The following MTMR2 variants were observed in gnomAD, a reference collection of about 807,000 sequenced individuals.
MTMR2 encodes the protein phosphatidylinositol-3,5-bisphosphate 3-phosphatase MTMR2.
In MTMR2, 55 loss-of-function variants were observed where a neutral mutation model predicts 86.9. The ratio of observed to expected loss-of-function variants is 0.63; its 90% confidence interval spans 0.51 to 0.79. The LOEUF (loss-of-function observed/expected upper bound fraction) is 0.79. MTMR2 is among the 30% of genes least tolerant of loss of function. MTMR2 has a pLI of 0.00. For synonymous variants in MTMR2, 241 were observed against 266.8 expected, an observed-to-expected ratio of 0.90 and a Z score of 0.94; for missense variants, 659 against 772.3, an observed-to-expected ratio of 0.85 and a Z score of 1.74.
intron 1 of MTMR2, among the ~76,000 whole-genome samples, chr11:95,906,659 T>G (rs576032376): frequency 6.6e-6 from 1 of 152,070 alleles, no homozygotes; most frequent in Admixed American, 6.6e-5. Flanking sequence ...CTCAACAAAT[T>G]TAAAGAAACC....
chr11:95,881,532 T>C (rs1038382286), intron 2 of MTMR2, among the ~76,000 whole-genome samples: 1 of 152,200 alleles, frequency 6.6e-6, no homozygotes, highest in Non-Finnish European at 1.5e-5. Context: ...GTTTTATAAC[T>C]TTCTTCATAA....
At chr11:95,849,927 G>C in intron 8 of MTMR2, 65 bp from the exon 9 acceptor site, 1 of 1,445,004 alleles carries the variant, frequency 6.9e-7, no homozygotes, top group South Asian at 1.2e-5. Flanking sequence ...CTCAAAAACA[G>C]TACTCAGTAA....
chr11:95,886,691 T>G (rs145346328), intron 2 of MTMR2, among the ~76,000 whole-genome samples: 1 of 152,308 alleles, frequency 6.6e-6, no homozygotes, highest in African/African-American at 2.4e-5. Flanking sequence ...CCTTCATTCC[T>G]GAGTTATCAG....
At chr11:95,876,452 C>G (rs1177285945) in intron 2 of MTMR2, among the ~76,000 whole-genome samples, 1 of 152,096 alleles carries the variant, frequency 6.6e-6, no homozygotes, top group Non-Finnish European at 1.5e-5. Context: ...CTTATTGGGT[C>G]AAAATAATGT....
chr11:95,870,311 A>C (rs2135497751), intron 2 of MTMR2, among the ~76,000 whole-genome samples: 1 of 152,226 alleles, frequency 6.6e-6, no homozygotes, highest in African/African-American at 2.4e-5. Context: ...AATACTGGGG[A>C]GAAGTTAAGG....
At chr11:95,842,888 C>T (rs2064031322) in intron 11 of MTMR2, among the ~76,000 whole-genome samples, 1 of 152,084 alleles carries the variant, frequency 6.6e-6, no homozygotes, top group African/African-American at 2.4e-5. Flanking sequence ...CTTAACAACG[C>T]AGTAAAAATT....
At position 95,835,016 on chromosome 11, in the gene MTMR2, A is replaced by G. The variant is rs1263318000; in HGVS notation, c.*274T>C. 3 of 419,808 alleles carry G rather than the reference A, an allele frequency of 7.1e-6. No individual in the cohort carries two copies. The highest frequency in any genetic ancestry group is 6.0e-5 in the African/African-American group (3 of 50,046). 26.0% of individuals were successfully genotyped at this position (419,808 alleles called of 1,614,324 possible). ...TAACAGCATTTGCCTTTTAATAGAA[A>G]CTTGTTCCCACTGTGAATCCAGGAT... On this transcript the variant is annotated 3_prime_UTR_variant, in exon 15 of 15. Coordinates refer to ENST00000346299, the MANE Select transcript of MTMR2 (RefSeq NM_016156.6).
intron 2 of MTMR2, among the ~76,000 whole-genome samples, chr11:95,875,583 T>G (rs1413728754): frequency 6.6e-6 from 1 of 152,230 alleles, no homozygotes; most frequent in Non-Finnish European, 1.5e-5. Context: ...GTCTGAAGCC[T>G]TCTTCTCTCA....
At chr11:95,841,521 T>C in intron 12 of MTMR2, 96 bp downstream of exon 12, 1 of 883,718 alleles carries the variant, frequency 1.1e-6, no homozygotes, top group East Asian at 2.4e-5. Context: ...AGAATTTCCA[T>C]TTAATGATCT....
chr11:95,917,562 T>C (rs1365114478), intron 1 of MTMR2, among the ~76,000 whole-genome samples: 1 of 152,140 alleles, frequency 6.6e-6, no homozygotes, highest in Admixed American at 6.6e-5. Flanking sequence ...CTCCCCAAAC[T>C]ACTCCCCAGA....
chr11:95,887,347 C>T (rs1313457158), intron 2 of MTMR2, among the ~76,000 whole-genome samples: 1 of 152,022 alleles, frequency 6.6e-6, no homozygotes. Flanking sequence ...AATGGATTTG[C>T]CAGCACCTTG....
chr11:95,911,331 G>C (rs1250269645), intron 1 of MTMR2, among the ~76,000 whole-genome samples: 1 of 152,158 alleles, frequency 6.6e-6, no homozygotes, highest in Admixed American at 6.5e-5. Context: ...AGCAGAGTCT[G>C]AACAACCAGT....
In MTMR2 at chr11:95,862,038, G is replaced by C; in HGVS notation, c.422C>G (p.Ala141Gly). Residue 141 changes from alanine to glycine, a missense_variant, in exon 5 of 15, where the codon GCT becomes GGT. Around this residue, in one of 3 missense-constraint regions of MTMR2, gnomAD observed 387 missense variants for 526.3 expected, o/e 0.74. Transcript: ENST00000346299. ...ATAAGAATTTTCACCTCGACTAGAA[G>C]CACCACCAATTTTTTCTACTCTATT... Reference protein sequence around the residue: ...VINRVEKIGGASSRGENSYGL... With the variant: ...VINRVEKIGGGSSRGENSYGL... 1 of 1,613,850 alleles carries C rather than the reference G, an allele frequency of 6.2e-7. No individual in the cohort carries two copies. The highest frequency in any genetic ancestry group is 1.1e-5 in the South Asian group (1 of 91,078).
At chr11:95,918,009 C>A (rs1866772965) in intron 1 of MTMR2, among the ~76,000 whole-genome samples, 1 of 152,130 alleles carries the variant, frequency 6.6e-6, no homozygotes, top group Admixed American at 6.5e-5. Flanking sequence ...AAGAAAAATG[C>A]CTTAGGAAAT....
At chr11:95,903,869 C>T (rs1039303970) in intron 1 of MTMR2, among the ~76,000 whole-genome samples, 7 of 152,142 alleles carry the variant, frequency 4.6e-5, no homozygotes, top group Admixed American at 3.9e-4. Flanking sequence ...AATCCTAGCA[C>T]ATTAAAAGGC....
At chr11:95,863,335 C>G (rs890805119) in intron 3 of MTMR2, among the ~76,000 whole-genome samples, 15 of 152,244 alleles carry the variant, frequency 9.9e-5, no homozygotes, top group Admixed American at 8.5e-4. Flanking sequence ...GACTTTGCTT[C>G]TCATTCAACA....
intron 1 of MTMR2, among the ~76,000 whole-genome samples, chr11:95,891,147 C>T (rs1016466513): frequency 6.6e-6 from 1 of 151,976 alleles, no homozygotes; most frequent in African/African-American, 2.4e-5. Context: ...GCATGTAGCA[C>T]CAAGAAACCA....
intron 1 of MTMR2, among the ~76,000 whole-genome samples, chr11:95,917,633 A>G (rs1291835355): frequency 6.6e-6 from 1 of 152,222 alleles, no homozygotes; most frequent in Non-Finnish European, 1.5e-5. Flanking sequence ...ACAGCCCATC[A>G]AAACATATTT....
At chr11:95,845,266 G>T in intron 10 of MTMR2, 107 bp from the exon 11 acceptor site, 1 of 991,568 alleles carries the variant, frequency 1.0e-6, no homozygotes, top group Non-Finnish European at 1.5e-6. Context: ...ATAACATGAG[G>T]AAAAACATTT....
Sources: allele counts gnomAD v4.1 joint callset (sites outside exome capture counted in the v4.1 genomes callset), GRCh38; gene constraint gnomAD v4.1.1; regional missense constraint gnomAD v4.1.1; transcripts MANE v1.5; gene names NCBI Gene and HGNC (gene_info 2026-07-23, HGNC 2026-07-21).